KIF1B: variants seen among roughly 807,000 people sequenced by gnomAD.
KIF1B encodes kinesin-like protein KIF1B.
KIF1B carries 76 observed loss-of-function variants against 241.9 expected under a neutral mutation model. The observed-to-expected ratio is 0.31, with a 90% CI of 0.26 to 0.38. The LOEUF (loss-of-function observed/expected upper bound fraction) is 0.38, where lower values mean the gene tolerates loss of function less well. Among genes scored for constraint, KIF1B ranks in the 10% least tolerant of loss-of-function variants. KIF1B has a pLI of 1.00. For synonymous variants in KIF1B, 750 were observed against 796.7 expected (o/e 0.94, Z 0.99); for missense variants, 1,622 against 2,271.4 (o/e 0.71, Z 5.81).
At chr1:10,362,900 A>G (rs11578788) in intron 40 of KIF1B, among the ~76,000 whole-genome samples, 36,494 of 151,912 alleles carry the variant, frequency 0.24, 5,097 homozygotes, top group Admixed American at 0.31. Flanking sequence ...AGGAGACCCT[A>G]TCTCTACAAA....
chr1:10,313,548 A>ATTTTT (rs33994083), intron 22 of KIF1B, among the ~76,000 whole-genome samples: 3 of 121,412 alleles, frequency 2.5e-5, no homozygotes, highest in Non-Finnish European at 3.3e-5. Flanking sequence ...ACTAGTTAGG[A>ATTTTT]TTTTTTTTTT....
At chr1:10,216,570 G>A (rs1020090032) in intron 1 of KIF1B, among the ~76,000 whole-genome samples, 10 of 152,130 alleles carry the variant, frequency 6.6e-5, no homozygotes, top group African/African-American at 1.4e-4. Flanking sequence ...AACCTGCATA[G>A]TGCTGGGGAT....
At chr1:10,340,332 A>C (rs566895779) in intron 32 of KIF1B, among the ~76,000 whole-genome samples, 1 of 152,214 alleles carries the variant, frequency 6.6e-6, no homozygotes, top group African/African-American at 2.4e-5. Context: ...CTGTATTCCT[A>C]CGTGGAGTAA....
chr1:10,322,548 G>A (rs944417143), intron 24 of KIF1B, among the ~76,000 whole-genome samples: 2 of 152,136 alleles, frequency 1.3e-5, no homozygotes, highest in Admixed American at 6.5e-5. Context: ...GTATGCCCCC[G>A]TGTTTATCAG....
At chr1:10,221,131 T>C (rs1376157199) in intron 1 of KIF1B, among the ~76,000 whole-genome samples, 8 of 123,350 alleles carry the variant, frequency 6.5e-5, no homozygotes, top group African/African-American at 2.6e-4. Flanking sequence ...GGAGTCTCGC[T>C]CTGTCACTGA....
At chr1:10,229,810 G>A (rs76144415) in intron 1 of KIF1B, among the ~76,000 whole-genome samples, 88 of 138,446 alleles carry the variant, frequency 6.4e-4, no homozygotes, top group African/African-American at 2.3e-3. Flanking sequence ...GCAGTGAGCC[G>A]AGATCGCGCC....
chr1:10,295,243 G>GA lies in KIF1B; in HGVS notation c.1670+84dup, dbSNP rs546453888. 2.5e-4 allele frequency: 225 copies of GA among 894,682 alleles called. 2 individuals are homozygous for GA. In the East Asian group the frequency reaches 3.0e-3, roughly 12 times the overall value. The allele number at this position is 894,682 out of a possible 1,614,324, so 55.4% of individuals were successfully genotyped here. A position where few individuals can be genotyped will look rare whatever the true frequency, so the allele number is the denominator to read the frequency against. On this transcript the variant is annotated intron_variant, in intron 18 of 48. Coordinates refer to ENST00000676179, the MANE Select transcript of KIF1B (RefSeq NM_001365951.3). Reference sequence around the variant, plus strand: ...ATTGAATAACTAAAGGGAAGGGGTTGAAAAAATTAACGTAATGATTTGCTG... The same window carrying GA: ...ATTGAATAACTAAAGGGAAGGGGTTGAAAAAAATTAACGTAATGATTTGCTG...
intron 20 of KIF1B, 57 bp from the exon 21 acceptor site, chr1:10,296,840 T>C (rs778424600): frequency 2.0e-5 from 30 of 1,497,376 alleles, no homozygotes; most frequent in Non-Finnish European, 2.6e-5. Context: ...GGTTGTTAAA[T>C]AGATACTATA....
intron 16 of KIF1B, 67 bp downstream of exon 16, chr1:10,291,228 A>G: frequency 9.1e-7 from 1 of 1,104,430 alleles, no homozygotes; most frequent in South Asian, 1.3e-5. Context: ...TTATCGTAAG[A>G]AAAGATAAAA....
intron 35 of KIF1B, among the ~76,000 whole-genome samples, chr1:10,346,885 G>A (rs1652609502): frequency 6.6e-6 from 1 of 152,138 alleles, no homozygotes. Flanking sequence ...ATATTTTGCA[G>A]CATCCTTGGC....
intron 23 of KIF1B, among the ~76,000 whole-genome samples, chr1:10,320,923 A>G (rs1651497814): frequency 6.6e-6 from 1 of 150,562 alleles, no homozygotes; most frequent in Admixed American, 6.6e-5. Flanking sequence ...CTGGTCTCAA[A>G]CTCCTGACCT....
intron 17 of KIF1B, among the ~76,000 whole-genome samples, chr1:10,292,983 A>T (rs1247282553): frequency 1.3e-5 from 2 of 152,176 alleles, no homozygotes; most frequent in African/African-American, 4.8e-5. Context: ...GTTAGGATAC[A>T]AGGGGTGGTG....
chr1:10,213,485 C>T (rs1338724235), intron 1 of KIF1B, among the ~76,000 whole-genome samples: 2 of 152,094 alleles, frequency 1.3e-5, no homozygotes, highest in African/African-American at 2.4e-5. Context: ...AGCTTTTTAG[C>T]CCATTTTCTC....
At chr1:10,254,552 C>A (rs1647647254) in intron 2 of KIF1B, among the ~76,000 whole-genome samples, 3 of 152,038 alleles carry the variant, frequency 2.0e-5, no homozygotes, top group African/African-American at 7.3e-5. Context: ...TTACCAAATG[C>A]TTTTCTGAAG....
At position 10,380,794 on chromosome 1, in the gene KIF1B, T is replaced by C. The variant is rs1639002579; in HGVS notation, c.*4207T>C. 1 of 218,844 alleles carries C rather than the reference T, an allele frequency of 4.6e-6. No individual in the cohort carries two copies. Among genetic ancestry groups the C allele is most frequent in the African/African-American group, 2.2e-5 (1 of 44,488 alleles). 13.6% of individuals were successfully genotyped at this position (218,844 alleles called of 1,614,324 possible). On this transcript the variant is annotated 3_prime_UTR_variant, in exon 49 of 49. Transcript: ENST00000676179. The stretch of plus-strand genomic sequence containing the variant: ...GGACTCTAACTTGTGTGCACTACAG[T>C]TGTTCACCAGGGCCAGTGATTCACC...
At position 10,268,257 on chromosome 1, in the gene KIF1B, T is replaced by A; in HGVS notation, c.714T>A (p.Thr238=). ...ACGATAATGAGACCAACCTTTCCAC[T>A]GAGAAGGTAGGAGAGTTTCAGTCTC... ...KKHDNETNLS[T]EKVSKISLVD... is the part of the protein sequence containing the mutation. Residue 238 remains threonine (T), a synonymous_variant, in exon 7 of 49, where the codon ACT becomes ACA. Coordinates refer to ENST00000676179, the MANE Select transcript of KIF1B (RefSeq NM_001365951.3). The A allele has an allele frequency of 6.3e-7, 1 of 1,598,966 alleles. No homozygotes were observed. The highest frequency in any genetic ancestry group is 1.1e-5 in the South Asian group (1 of 90,728).
intron 5 of KIF1B, among the ~76,000 whole-genome samples, chr1:10,266,846 A>G (rs941438644): frequency 5.9e-5 from 9 of 152,188 alleles, no homozygotes; most frequent in African/African-American, 2.2e-4. Context: ...GGCTGGTTCT[A>G]ACCTATTCAG....
At chr1:10,287,622 A>G (rs778871438) in intron 15 of KIF1B, among the ~76,000 whole-genome samples, 10 of 152,212 alleles carry the variant, frequency 6.6e-5, no homozygotes, top group Non-Finnish European at 1.2e-4. Flanking sequence ...GTTGTACCTT[A>G]CTCATTAAAT....
chr1:10,244,615 CTTTT>C (rs773950544), intron 2 of KIF1B, among the ~76,000 whole-genome samples: 6 of 103,808 alleles, frequency 5.8e-5, no homozygotes, highest in African/African-American at 1.1e-4. Flanking sequence ...CCCGGCCCTC[CTTTT>C]TTTTTTTTTT....
Sources: gnomAD v4.1 joint callset for allele counts (sites outside exome capture counted in the v4.1 genomes callset) on GRCh38, gnomAD v4.1.1 for gene constraint, MANE v1.5 for transcripts, NCBI Gene and HGNC (gene_info 2026-07-23, HGNC 2026-07-21) for gene names.